Variants in RAB28 observed in about 807,000 individuals in gnomAD.
RAB28 encodes the protein RAB28, member RAS oncogene family, also known as ras-related protein Rab-28.
In RAB28, 24 loss-of-function variants were observed where a neutral mutation model predicts 31.7. The observed-to-expected ratio is 0.76, with a 90% CI of 0.55 to 1.06. The LOEUF (loss-of-function observed/expected upper bound fraction) is 1.06, where lower values mean the gene tolerates loss of function less well. Ranked by LOEUF, RAB28 falls within the 50% of genes least tolerant of loss-of-function variation. The probability of loss-of-function intolerance (pLI) is 0.00; values close to 1 mark genes in which losing one functional copy is unlikely to be tolerated. For missense variants in RAB28, 254 were observed against 258.5 expected (o/e 0.98, Z 0.12); for synonymous variants, 100 against 90.4 (o/e 1.11, Z -0.60).
intron 4 of RAB28, among the ~76,000 whole-genome samples, chr4:13,397,962 C>G (rs947635462): frequency 7.2e-5 from 11 of 151,790 alleles, no homozygotes; most frequent in African/African-American, 2.4e-4. Context: ...AAAGAGTCAC[C>G]AAAACACCAC....
At chr4:13,459,973 AG>A (rs1447915796) in intron 4 of RAB28, 1 of 1,174,062 alleles carries the variant, frequency 8.5e-7, no homozygotes, top group Non-Finnish European at 1.1e-6. Context: ...TTACCTTCAC[AG>A]GAATTGACCA....
intron 4 of RAB28, among the ~76,000 whole-genome samples, chr4:13,434,396 T>C (rs547186474): frequency 1.3e-5 from 2 of 152,212 alleles, no homozygotes; most frequent in African/African-American, 4.8e-5. Flanking sequence ...TAAATTCATA[T>C]GCACCCAACA....
chr4:13,414,256 T>G (rs1177309873), intron 4 of RAB28, among the ~76,000 whole-genome samples: 1 of 152,214 alleles, frequency 6.6e-6, no homozygotes, highest in Non-Finnish European at 1.5e-5. Context: ...TGACACATAC[T>G]ACCTTAACAG....
At position 13,409,000 on chromosome 4, in the gene RAB28, A is replaced by C. The variant is rs145328869; in HGVS notation, c.392-27406T>G. Among the ~76,000 whole-genome samples the C allele has an allele frequency of 2.5e-3, 381 of 152,318 alleles. 1 individual carries two copies. The highest frequency in any genetic ancestry group is 8.4e-3 in the African/African-American group (351 of 41,574). On this transcript the variant is annotated intron_variant, in intron 4 of 6. Transcript: ENST00000330852. ...TGAAGTTATTCCACAAATATTTAAT[A>C]GTAATTCTAATTAAAATTTAATATT...
At chr4:13,474,905 T>A (rs1287362534) in intron 2 of RAB28, among the ~76,000 whole-genome samples, 1 of 151,618 alleles carries the variant, frequency 6.6e-6, no homozygotes, top group Non-Finnish European at 1.5e-5. Context: ...AATTAATGAA[T>A]CTTTTTATAA....
intron 4 of RAB28, among the ~76,000 whole-genome samples, chr4:13,406,562 T>C (rs1419820218): frequency 2.6e-5 from 4 of 152,164 alleles, no homozygotes; most frequent in Admixed American, 6.5e-5. Flanking sequence ...TTCTAGACCA[T>C]TGAGGAATCG....
intron 3 of RAB28, among the ~76,000 whole-genome samples, chr4:13,465,865 A>C (rs1271704181): frequency 6.6e-6 from 1 of 151,866 alleles, no homozygotes; most frequent in Non-Finnish European, 1.5e-5. Context: ...GTACCGGCAA[A>C]AAATAGACAC....
At chr4:13,411,965 G>A (rs1712463359) in intron 4 of RAB28, among the ~76,000 whole-genome samples, 1 of 149,910 alleles carries the variant, frequency 6.7e-6, no homozygotes, top group African/African-American at 2.5e-5. Flanking sequence ...ATTCTAAAAT[G>A]TTTTTAGGAT....
chr4:13,480,833 C>A (rs1471018156), intron 1 of RAB28, among the ~76,000 whole-genome samples: 1 of 151,824 alleles, frequency 6.6e-6, no homozygotes, highest in Non-Finnish European at 1.5e-5. Context: ...ACTGAGAGAT[C>A]AGAATTGAAA....
intron 4 of RAB28, among the ~76,000 whole-genome samples, chr4:13,402,062 T>C (rs949030919): frequency 6.6e-6 from 1 of 152,244 alleles, no homozygotes; most frequent in African/African-American, 2.4e-5. Context: ...ATTACAAATA[T>C]GTTTTTCTGT....
Position 13,375,790 on chromosome 4 carries a change from CACACAG to C in RAB28, c.573+749_573+754del, listed in dbSNP as rs1233612950. Reference sequence around the variant, plus strand: ...TAAAACACACACACACACACACACACACACAGAGAGAGAGAGAGACCATGAGAAAAA... The same window carrying C: ...TAAAACACACACACACACACACACACAGAGAGAGAGAGACCATGAGAAAAA... On this transcript the variant is annotated intron_variant, in intron 6 of 6. Coordinates refer to ENST00000330852, the MANE Select transcript of RAB28 (RefSeq NM_001017979.3). 1.9e-3 allele frequency among the ~76,000 whole-genome samples: 277 copies of C among 149,470 alleles called. 1 individual carries two copies. The highest frequency in any genetic ancestry group is 4.4e-3 in the Admixed American group (67 of 15,178).
At position 13,484,133 on chromosome 4, in the gene RAB28, C is replaced by T. The variant is rs1171224491; in HGVS notation, c.18G>A (p.Glu6=). 2.5e-6 allele frequency: 4 copies of T among 1,594,078 alleles called. No individual in the cohort carries two copies. In the African/African-American group the frequency reaches 4.0e-5, roughly 16 times the overall value. The change falls in exon 1 of 7, where the codon GAG becomes GAA. Residue 6 remains glutamate (E), a synonymous_variant. Transcript: ENST00000330852. ...TTTTCAGTTGCCGGTCCTGGCTCTC[C>T]TCCTCAGAGTCCGACATGGTGTCCC... The part of the protein sequence containing the change: MSDSE[E]ESQDRQLKIV...
intron 3 of RAB28, among the ~76,000 whole-genome samples, chr4:13,471,630 T>C (rs527565038): frequency 4.3e-4 from 65 of 152,008 alleles, no homozygotes; most frequent in Non-Finnish European, 8.4e-4. Flanking sequence ...GTCTCTCAAG[T>C]AGCCGGGACT....
chr4:13,433,382 C>CA (rs888144389), intron 4 of RAB28, among the ~76,000 whole-genome samples: 20 of 151,838 alleles, frequency 1.3e-4, no homozygotes, highest in African/African-American at 3.6e-4. Flanking sequence ...TGCAAAATGG[C>CA]AAAAAAAATT....
At chr4:13,392,999 T>C (rs1261389692) in intron 4 of RAB28, among the ~76,000 whole-genome samples, 3 of 152,194 alleles carry the variant, frequency 2.0e-5, no homozygotes, top group African/African-American at 4.8e-5. Flanking sequence ...GCCTGGCATA[T>C]ACTCAATAAG....
At chr4:13,465,677 A>G (rs758414859) in intron 3 of RAB28, among the ~76,000 whole-genome samples, 1 of 151,840 alleles carries the variant, frequency 6.6e-6, no homozygotes, top group Non-Finnish European at 1.5e-5. Flanking sequence ...AAGGAAAATG[A>G]TATGGGTCAG....
At chr4:13,368,820 A>AT (rs200326808) in intron 6 of RAB28, among the ~76,000 whole-genome samples, 170 bp from the exon 7 acceptor site, 9,485 of 149,006 alleles carry the variant, frequency 0.064, 595 homozygotes, top group African/African-American at 0.17. Context: ...CAAAGAGTGG[A>AT]TTTTTTTTTT....
At chr4:13,459,752 A>G (rs1431439548) in intron 4 of RAB28, 1 of 1,085,178 alleles carries the variant, frequency 9.2e-7, no homozygotes, top group African/African-American at 1.7e-5. Flanking sequence ...AGACAGGAGC[A>G]AGAAACAATG....
At chr4:13,375,636 G>A (rs1233201217) in intron 6 of RAB28, among the ~76,000 whole-genome samples, 1 of 152,158 alleles carries the variant, frequency 6.6e-6, no homozygotes, top group Non-Finnish European at 1.5e-5. Context: ...GCCATACCAA[G>A]TGCTAAAACA....
Sources: allele counts gnomAD v4.1 joint callset (sites outside exome capture counted in the v4.1 genomes callset), GRCh38; gene constraint gnomAD v4.1.1; transcripts MANE v1.5; gene names NCBI Gene and HGNC (gene_info 2026-07-23, HGNC 2026-07-21).